TRPC7: variants seen among roughly 807,000 people sequenced by gnomAD.
TRPC7 encodes the protein transient receptor potential cation channel subfamily C member 7.
TRPC7 carries 42 observed loss-of-function variants against 90.1 expected under a neutral mutation model. That is an observed-to-expected ratio of 0.47 (90% CI 0.36 to 0.60). The LOEUF (loss-of-function observed/expected upper bound fraction) is 0.60. TRPC7 is among the 20% of genes least tolerant of loss of function. The probability of loss-of-function intolerance (pLI) is 0.00; values close to 1 mark genes in which losing one functional copy is unlikely to be tolerated. For synonymous variants in TRPC7, 451 were observed against 436.3 expected (o/e 1.03, Z -0.42); for missense variants, 955 against 1,112.3 (o/e 0.86, Z 2.01).
Position 136,357,067 on chromosome 5 carries a change from C to T in TRPC7, c.321G>A (p.Gly107=). The T allele has an allele frequency of 6.2e-7, 1 of 1,613,846 alleles. No individual in the cohort carries two copies. Among genetic ancestry groups the T allele is most frequent in the Non-Finnish European group, 8.5e-7 (1 of 1,179,932 alleles). ...TGCTGATGGCCAGCAGCAGCGCGTC[C>T]CCCACCCGTGCCAGGTTCTCCTTCT... ...LLKKENLARV[G]DALLLAISKG... Residue 107 remains glycine (G), a synonymous_variant, in exon 2 of 12, where the codon GGG becomes GGA. Coordinates refer to ENST00000513104, the MANE Select transcript of TRPC7 (RefSeq NM_020389.3).
chr5:136,226,326 C>A, intron 8 of TRPC7, 71 bp from the exon 9 acceptor site: 1 of 1,091,866 alleles, frequency 9.2e-7, no homozygotes, highest in Non-Finnish European at 1.4e-6. Context: ...ACCTGAGGAG[C>A]AGAGACACAG....
At position 136,357,120 on chromosome 5, in the gene TRPC7, G is replaced by A; in HGVS notation, c.268C>T (p.His90Tyr). The A allele has an allele frequency of 6.2e-7, 1 of 1,614,148 alleles. No homozygotes were observed. Among genetic ancestry groups the A allele is most frequent in the Non-Finnish European group, 8.5e-7 (1 of 1,180,028 alleles). ...AGCAGCAGCTCCGTGACCTCTAGGT[G>A]CTCGTTGCCCACGGCCAGCTGCAGA... ...NALQLAVGNE[H>Y]LEVTELLLKK... The change falls in exon 2 of 12, where the codon CAC becomes TAC. Residue 90 changes from histidine (H) to tyrosine (Y), a missense_variant. His to Tyr is a moderately conservative substitution (Grantham distance 83, BLOSUM62 2). This residue lies in a region of TRPC7 where 161 missense variants were observed against 145.7 expected (regional missense o/e 1.10). Coordinates refer to ENST00000513104, the MANE Select transcript of TRPC7 (RefSeq NM_020389.3).
Position 136,356,866 on chromosome 5 carries a change from G to T in TRPC7, c.522C>A (p.Cys174Ter). 1 of 1,613,896 alleles carries T rather than the reference G, an allele frequency of 6.2e-7. No homozygotes were observed. Among genetic ancestry groups the T allele is most frequent in the South Asian group, 1.1e-5 (1 of 91,082 alleles). The change falls in exon 2 of 12, where the codon TGC (cysteine) becomes TGA (stop). Residue 174 changes from cysteine to a stop codon, truncating the protein, a stop_gained. Transcript: ENST00000513104. LOFTEE classifies it high-confidence loss of function. Reference protein sequence around the residue: ...DITPIILAAHCQEYEIVHILL... With the variant: ...DITPIILAAH Reference sequence around the variant, plus strand: ...GGATGTGCACGATCTCATACTCCTGGCAGTGCGCCGCCAGGATGATGGGCG... The same window carrying T: ...GGATGTGCACGATCTCATACTCCTGTCAGTGCGCCGCCAGGATGATGGGCG...
At chr5:136,214,857 G>C (rs1755212455) in intron 11 of TRPC7, among the ~76,000 whole-genome samples, 1 of 152,168 alleles carries the variant, frequency 6.6e-6, no homozygotes, top group Admixed American at 6.5e-5. Flanking sequence ...GCTGTTTCTA[G>C]GTGGCAAATA....
intron 7 of TRPC7, among the ~76,000 whole-genome samples, chr5:136,240,738 C>A (rs1232227223): frequency 3.3e-5 from 5 of 152,124 alleles, no homozygotes; most frequent in Non-Finnish European, 7.3e-5. Flanking sequence ...TTCAGATTCT[C>A]TCATTGGCTC....
rs139693907 is a variant in TRPC7, at chr5:136,271,504, G to A, written c.1128+3169C>T. ...CTAACTTACACATCAGAATAGGATA[G>A]CAAAGGATGGAAACAGCTTAGGCAG... On this transcript the variant is annotated intron_variant, in intron 4 of 11. Transcript: ENST00000513104. Among the ~76,000 whole-genome samples the A allele has an allele frequency of 2.4e-3, 373 of 152,318 alleles. 3 individuals are homozygous for A. Among genetic ancestry groups the A allele is most frequent in the African/African-American group, 8.7e-3 (360 of 41,588 alleles).
intron 7 of TRPC7, among the ~76,000 whole-genome samples, chr5:136,235,404 G>T (rs761306654): frequency 5.6e-4 from 85 of 152,180 alleles, no homozygotes; most frequent in Admixed American, 2.3e-3. Context: ...ACTACCCTGA[G>T]TGGGAAATGA....
chr5:136,349,508 G>A (rs1454542533), intron 2 of TRPC7, among the ~76,000 whole-genome samples: 2 of 152,166 alleles, frequency 1.3e-5, no homozygotes, highest in Admixed American at 6.5e-5. Flanking sequence ...GTGTATATCA[G>A]CTTCTCTGTA....
At chr5:136,305,960 C>T (rs534081554) in intron 3 of TRPC7, among the ~76,000 whole-genome samples, 4 of 152,312 alleles carry the variant, frequency 2.6e-5, no homozygotes, top group African/African-American at 9.6e-5. Context: ...CGTTTGAGCT[C>T]CTTTTTATTA....
At position 136,315,679 on chromosome 5, in the gene TRPC7, T is replaced by A; in HGVS notation, c.881A>T (p.Asp294Val). Residue 294 changes from aspartate to valine, a missense_variant, in exon 3 of 12, where the codon GAT (aspartate) becomes GTT (valine). This residue lies in a region of TRPC7 where 484 missense variants were observed against 509.6 expected (regional missense o/e 0.95). Coordinates refer to ENST00000513104, the MANE Select transcript of TRPC7 (RefSeq NM_020389.3). ...TEEVEAILNG[D>V]VNFQVWSDHH... ...GTCGGACCAGACTTGGAAGTTCACA[T>A]CACCGTTTAAAATTGCTTCCACCTC... 6.2e-7 allele frequency: 1 copy of A among 1,613,968 alleles called. No homozygotes were observed. Among genetic ancestry groups the A allele is most frequent in the Non-Finnish European group, 8.5e-7 (1 of 1,179,900 alleles).
At chr5:136,334,725 A>G (rs1759598512) in intron 2 of TRPC7, among the ~76,000 whole-genome samples, 1 of 152,248 alleles carries the variant, frequency 6.6e-6, no homozygotes, top group African/African-American at 2.4e-5. Context: ...AGAGAATAAC[A>G]CACTACAAGA....
chr5:136,266,562 G>T, intron 4 of TRPC7, 126 bp from the exon 5 acceptor site: 1 of 805,992 alleles, frequency 1.2e-6, no homozygotes, highest in South Asian at 1.8e-5. Flanking sequence ...ACTGCTAACT[G>T]AACCCATACA....
At chr5:136,353,391 A>G (rs1167382339) in intron 2 of TRPC7, among the ~76,000 whole-genome samples, 1 of 152,202 alleles carries the variant, frequency 6.6e-6, no homozygotes, top group Admixed American at 6.5e-5. Flanking sequence ...GGAGGATGAC[A>G]TATGACATTT....
At chr5:136,233,273 G>T (rs1209663187) in intron 7 of TRPC7, among the ~76,000 whole-genome samples, 1 of 152,208 alleles carries the variant, frequency 6.6e-6, no homozygotes, top group Non-Finnish European at 1.5e-5. Context: ...TAATTTAGTT[G>T]GGTGTTTATA....
rs572182124 is a variant in TRPC7, at chr5:136,277,304, G to T, written c.964-2467C>A. Among the ~76,000 whole-genome samples the T allele has an allele frequency of 4.7e-3, 712 of 152,326 alleles. 4 individuals are homozygous for T. The highest frequency in any genetic ancestry group is 7.3e-3 in the Non-Finnish European group (498 of 68,028). ...TCTGTCTTCCTCTGATTGGACCTTT[G>T]CTAATCTCCACAGCTGCATTTATCT... On this transcript the variant is annotated intron_variant, in intron 3 of 11. Transcript: ENST00000513104.
In TRPC7 at chr5:136,266,380, A is replaced by T. The variant is rs1162151291; in HGVS notation, c.1185T>A (p.Phe395Leu). 1 of 1,613,882 alleles carries T rather than the reference A, an allele frequency of 6.2e-7. No individual in the cohort carries two copies. ...CAACTAATAATCCCAAGAAGATTGT[A>T]AAAGAAACTGCATGAGCTACAAACT... ...FMKFVAHAVS[F>L]TIFLGLLVVN... The change falls in exon 5 of 12, where the codon TTT (phenylalanine) becomes TTA (leucine). Residue 395 changes from phenylalanine (F) to leucine (L), a missense_variant. By Grantham distance (22) the Phe-to-Leu change is conservative (BLOSUM62 0). Transcript: ENST00000513104.
intron 3 of TRPC7, among the ~76,000 whole-genome samples, chr5:136,288,458 C>G (rs1193371367): frequency 7.3e-6 from 1 of 136,110 alleles, no homozygotes; most frequent in African/African-American, 2.8e-5. Flanking sequence ...TGGGCTGTGC[C>G]TTGTCTGCCA....
chr5:136,286,013 C>T (rs1214779948), intron 3 of TRPC7, among the ~76,000 whole-genome samples: 1 of 152,352 alleles, frequency 6.6e-6, no homozygotes, highest in East Asian at 1.9e-4. Context: ...TGTACTAGAA[C>T]ATAAGCTTTA....
chr5:136,251,906 G>C, intron 5 of TRPC7, 24 bp from the exon 6 acceptor site: 4 of 1,599,570 alleles, frequency 2.5e-6, no homozygotes, highest in Non-Finnish European at 3.4e-6. Flanking sequence ...AGAAGGCCAG[G>C]CTCACTTTTC....
Sources: gnomAD v4.1 joint callset for allele counts (sites outside exome capture counted in the v4.1 genomes callset) on GRCh38, gnomAD v4.1.1 for gene constraint, gnomAD v4.1.1 regional missense constraint, MANE v1.5 for transcripts, NCBI Gene and HGNC (gene_info 2026-07-23, HGNC 2026-07-21) for gene names.